RBFOX3: variants seen among roughly 807,000 people sequenced by gnomAD.
RBFOX3 encodes the protein RNA binding fox-1 homolog 3.
A neutral mutation model predicts 48.7 loss-of-function variants in RBFOX3; 17 were observed. The observed-to-expected ratio is 0.35, with a 90% CI of 0.24 to 0.52. The LOEUF (loss-of-function observed/expected upper bound fraction) is 0.52. Among genes scored for constraint, RBFOX3 ranks in the 20% least tolerant of loss-of-function variants. RBFOX3 has a pLI of 0.94. For synonymous variants in RBFOX3, 212 were observed against 209.5 expected (o/e 1.01, Z -0.10); for missense variants, 382 against 497.5 (o/e 0.77, Z 2.21).
In RBFOX3 at chr17:79,361,736, G is replaced by A. The variant is rs145842787; in HGVS notation, c.-174-53912C>T. ...CATGTGTGTGTGCACACGTGTGTGC[G>A]CTGTGCAGGGGTACCCAGTGTAACT... On this transcript the variant is annotated intron_variant, in intron 2 of 14. Coordinates refer to ENST00000693108, the MANE Select transcript of RBFOX3 (RefSeq NM_001350451.2). The surrounding 1 kb of genome is among the most constrained non-coding windows in gnomAD (Gnocchi z 4.5). Among the ~76,000 whole-genome samples, 13 of 152,330 alleles carry A rather than the reference G, an allele frequency of 8.5e-5. No individual in the cohort carries two copies. Among genetic ancestry groups the A allele is most frequent in the East Asian group, 3.9e-4 (2 of 5,188 alleles).
chr17:79,241,663 C>T (rs2062399818), intron 3 of RBFOX3, among the ~76,000 whole-genome samples: 1 of 152,120 alleles, frequency 6.6e-6, no homozygotes, highest in African/African-American at 2.4e-5. Context: ...CATGATAATA[C>T]CATAGACTGC....
the RBFOX3 span, among the ~76,000 whole-genome samples, chr17:79,659,107 G>A: frequency 2.0e-5 from 3 of 152,126 alleles, no homozygotes; most frequent in African/African-American, 7.2e-5. Context: ...GGCCGCCTTG[G>A]TCACCGCACA....
chr17:79,177,293 G>A (rs1480166370), intron 4 of RBFOX3, among the ~76,000 whole-genome samples: 1 of 152,204 alleles, frequency 6.6e-6, no homozygotes, highest in African/African-American at 2.4e-5. Context: ...CCAGAGGACA[G>A]GAGACAGAAG....
intron 1 of RBFOX3, among the ~76,000 whole-genome samples, chr17:79,572,384 A>C (rs1028468598): frequency 3.9e-5 from 6 of 152,110 alleles, no homozygotes; most frequent in African/African-American, 1.4e-4. Flanking sequence ...CCAGGAGCTC[A>C]TTGTGGCCCC....
At chr17:79,173,938 A>C (rs937544937) in intron 4 of RBFOX3, among the ~76,000 whole-genome samples, 4 of 151,520 alleles carry the variant, frequency 2.6e-5, no homozygotes, top group Admixed American at 1.3e-4. Flanking sequence ...TGGGGGTGTC[A>C]GCGACCTCTT....
At chr17:79,279,224 T>C (rs1302988633) in intron 3 of RBFOX3, among the ~76,000 whole-genome samples, 1 of 152,038 alleles carries the variant, frequency 6.6e-6, no homozygotes, top group East Asian at 1.9e-4. Context: ...AGATACAGAA[T>C]TGGATTAGCA....
At chr17:79,534,428 G>A (rs569864173) in intron 1 of RBFOX3, among the ~76,000 whole-genome samples, 5 of 152,312 alleles carry the variant, frequency 3.3e-5, no homozygotes, top group East Asian at 1.9e-4. Context: ...GTTAGAATCC[G>A]AATCCAAGGG....
chr17:79,261,058 T>C (rs898773487), intron 3 of RBFOX3, among the ~76,000 whole-genome samples: 3 of 152,150 alleles, frequency 2.0e-5, no homozygotes, highest in African/African-American at 7.2e-5. Context: ...CTTCGATCTT[T>C]GCCCAGATCC....
At chr17:79,645,393 C>T in the RBFOX3 span, among the ~76,000 whole-genome samples, 2 of 152,040 alleles carry the variant, frequency 1.3e-5, no homozygotes, top group Non-Finnish European at 1.5e-5. Flanking sequence ...ACTTTGGCCA[C>T]GGAGACCTTG....
chr17:79,400,642 T>C (rs113705055), intron 2 of RBFOX3, among the ~76,000 whole-genome samples: 2 of 2,568 alleles, frequency 7.8e-4, no homozygotes, highest in Admixed American at 8.3e-3. Context: ...TTAACCACAG[T>C]TTTAAGAATG....
chr17:79,394,302 C>G (rs2061721984), intron 2 of RBFOX3, among the ~76,000 whole-genome samples: 1 of 152,208 alleles, frequency 6.6e-6, no homozygotes, highest in South Asian at 2.1e-4. Flanking sequence ...ACCCTGCACC[C>G]TGATCACTGA....
chr17:79,574,747 A>G (rs1297041551), intron 1 of RBFOX3, among the ~76,000 whole-genome samples: 2 of 152,202 alleles, frequency 1.3e-5, no homozygotes, highest in Admixed American at 6.5e-5. Flanking sequence ...TTTAAAAAAG[A>G]AAAAAGGCTT....
Position 79,363,758 on chromosome 17 carries a change from C to T in RBFOX3, c.-174-55934G>A, listed in dbSNP as rs148740016. Among the ~76,000 whole-genome samples, 11 of 152,242 alleles carry T rather than the reference C, an allele frequency of 7.2e-5. No individual in the cohort carries two copies. The highest frequency in any genetic ancestry group is 1.9e-4 in the African/African-American group (8 of 41,542). On this transcript the variant is annotated intron_variant, in intron 2 of 14. Transcript: ENST00000693108. The surrounding 1 kb of genome is among the most constrained non-coding windows in gnomAD (Gnocchi z 4.7). ...AGCCCTCCAGCCTCCATGCTCAGCC[C>T]GTCCGCCCCCCAGCAGCCTGGGTCT...
At chr17:79,197,650 C>A (rs1475719637) in intron 4 of RBFOX3, among the ~76,000 whole-genome samples, 1 of 152,188 alleles carries the variant, frequency 6.6e-6, no homozygotes. Flanking sequence ...CCACCTCGGC[C>A]TCCCAAAGTG....
the RBFOX3 span, among the ~76,000 whole-genome samples, chr17:79,646,838 T>G: frequency 6.6e-6 from 1 of 152,200 alleles, no homozygotes; most frequent in East Asian, 1.9e-4. Flanking sequence ...CCCCATGACC[T>G]TTGCAAGTGC....
intron 1 of RBFOX3, among the ~76,000 whole-genome samples, chr17:79,527,328 G>C (rs970338554): frequency 3.3e-5 from 5 of 152,192 alleles, no homozygotes; most frequent in Non-Finnish European, 7.3e-5. Flanking sequence ...TTCTAGGAGA[G>C]AGAAGAAAAG....
intron 4 of RBFOX3, among the ~76,000 whole-genome samples, chr17:79,121,385 T>C (rs150458485): frequency 3.9e-5 from 6 of 152,200 alleles, no homozygotes; most frequent in Non-Finnish European, 8.8e-5. Flanking sequence ...GGCTCCTTCA[T>C]CCTACAAACT....
At chr17:79,250,235 C>T (rs1316210753) in intron 3 of RBFOX3, among the ~76,000 whole-genome samples, 1 of 152,168 alleles carries the variant, frequency 6.6e-6, no homozygotes, top group African/African-American at 2.4e-5. Context: ...ACCCATGTCC[C>T]GGTGAACGTC....
the RBFOX3 span, among the ~76,000 whole-genome samples, chr17:79,625,941 C>T: frequency 3.3e-5 from 5 of 152,198 alleles, no homozygotes; most frequent in African/African-American, 7.2e-5. Context: ...ACTTTGAGAG[C>T]GAGGGGGTTT....
Sources: gnomAD v4.1 joint callset for allele counts (sites outside exome capture counted in the v4.1 genomes callset) on GRCh38, gnomAD v4.1.1 for gene constraint, Gnocchi (gnomAD v3.1) non-coding constraint, MANE v1.5 for transcripts, NCBI Gene and HGNC (gene_info 2026-07-23, HGNC 2026-07-21) for gene names.